KNL1: variants seen among roughly 807,000 people sequenced by gnomAD.
The protein encoded by KNL1 is kinetochore scaffold 1, also known as outer kinetochore KNL1 complex subunit KNL1.
In KNL1, 66 loss-of-function variants were observed where a neutral mutation model predicts 201.3. The observed-to-expected ratio is 0.33, with a 90% CI of 0.27 to 0.40. KNL1 has a LOEUF of 0.40. Among genes scored for constraint, KNL1 ranks in the 10% least tolerant of loss-of-function variants. The probability of loss-of-function intolerance (pLI) is 1.00; values close to 1 mark genes in which losing one functional copy is unlikely to be tolerated. For synonymous variants in KNL1, 895 were observed against 899.2 expected, an observed-to-expected ratio of 1.00 and a Z score of 0.08; for missense variants, 2,815 against 2,690.5, an observed-to-expected ratio of 1.05 and a Z score of -1.02.
rs79125272 is a variant in KNL1, at chr15:40,657,705, G to A, written c.6713+232G>A. ...TGATCTCTCCCTTCATGTTGACATG[G>A]TGTCTTTCATTGTGCATGTCTGCAT... On this transcript the variant is annotated intron_variant, in intron 24 of 25. Coordinates refer to ENST00000399668, the MANE Select transcript of KNL1 (RefSeq NM_144508.5). 0.012 allele frequency among the ~76,000 whole-genome samples: 1,828 copies of A among 152,242 alleles called. 35 individuals carry two copies. Among genetic ancestry groups the A allele is most frequent in the African/African-American group, 0.042 (1,730 of 41,536 alleles).
intron 16 of KNL1, among the ~76,000 whole-genome samples, chr15:40,646,349 G>A (rs1893382301): frequency 6.6e-6 from 1 of 151,722 alleles, no homozygotes. Context: ...TGTATTCCAT[G>A]GAACACCTAT....
At chr15:40,643,044 CTA>C (rs2141749950) in intron 14 of KNL1, 1 of 152,278 alleles carries the variant, frequency 6.6e-6, no homozygotes, top group East Asian at 1.9e-4. Flanking sequence ...AAGAGATATT[CTA>C]TCTCTGTTAG....
chr15:40,606,463 T>A lies in KNL1; in HGVS notation c.135+11T>A, dbSNP rs779132891. On this transcript the variant is annotated intron_variant, in intron 4 of 25. Transcript: ENST00000399668. ...AATGAAAGAGTTCAGGTAAGTCTTT[T>A]GTGCAAATACTTTATAGATGACTAT... 2.1e-6 allele frequency: 3 copies of A among 1,440,950 alleles called. No individual in the cohort carries two copies. Among genetic ancestry groups the A allele is most frequent in the Middle Eastern group, 1.8e-4 (1 of 5,494 alleles). 89.3% of individuals were successfully genotyped at this position (1,440,950 alleles called of 1,614,324 possible). A position where few individuals can be genotyped will look rare whatever the true frequency, so the allele number is the denominator to read the frequency against.
At chr15:40,655,017 G>C in intron 22 of KNL1, 40 bp downstream of exon 22, 1 of 1,512,346 alleles carries the variant, frequency 6.6e-7, no homozygotes, top group African/African-American at 1.4e-5. Context: ...ATTTGTTGGG[G>C]CTGGGCACTA....
chr15:40,606,540 T>C (rs967758035), intron 4 of KNL1, 88 bp downstream of exon 4: 3 of 740,230 alleles, frequency 4.1e-6, no homozygotes, highest in Admixed American at 4.0e-5. Context: ...GAAGAGGAAA[T>C]GTGTAAGCAT....
rs146291328 is a variant in KNL1 at position 40,661,434 on chromosome 15, G to A, written c.6837-640G>A. On this transcript the variant is annotated intron_variant, in intron 25 of 25. Transcript: ENST00000399668. ...TTGCACCCAGGAGAAAGAGGTTGCCGTGAGCCTAGATTGTGCCACTAACTG... is the reference window on the plus strand; with the variant it reads ...TTGCACCCAGGAGAAAGAGGTTGCCATGAGCCTAGATTGTGCCACTAACTG... 8.5e-4 allele frequency among the ~76,000 whole-genome samples: 129 copies of A among 152,210 alleles called. 1 individual carries two copies. Among genetic ancestry groups the A allele is most frequent in the African/African-American group, 2.7e-3 (114 of 41,530 alleles).
chr15:40,611,929 G>C lies in KNL1; in HGVS notation c.284+418G>C, dbSNP rs1020535402. Among the ~76,000 whole-genome samples the C allele has an allele frequency of 5.9e-5, 9 of 151,964 alleles. No homozygotes were observed. In the South Asian group the frequency reaches 1.7e-3, roughly 28 times the overall value. On this transcript the variant is annotated intron_variant, in intron 7 of 25. Transcript: ENST00000399668. Reference sequence around the variant, plus strand: ...ACGTGGTGGCTCATGCCTGTAATCCGAGCACTTTGGGAGGCCGAGGCTGGT... The same window carrying C: ...ACGTGGTGGCTCATGCCTGTAATCCCAGCACTTTGGGAGGCCGAGGCTGGT...
In KNL1 at chr15:40,663,927, C is replaced by T. The variant is rs1174692933; in HGVS notation, c.*1739C>T. The T allele has an allele frequency of 1.0e-5, 2 of 190,972 alleles. No individual in the cohort carries two copies. Among genetic ancestry groups the T allele is most frequent in the Non-Finnish European group, 2.2e-5 (2 of 91,198 alleles). The allele number at this position is 190,972 out of a possible 1,614,324, so 11.8% of individuals were successfully genotyped here. A position where few individuals can be genotyped will look rare whatever the true frequency, so the allele number is the denominator to read the frequency against. On this transcript the variant is annotated 3_prime_UTR_variant, in exon 26 of 26. Coordinates refer to ENST00000399668, the MANE Select transcript of KNL1 (RefSeq NM_144508.5). ...TACTTCTGAGCTATACGTCAAAAGA[C>T]ACATAAGCTTCAAAAGTCAAGACAA...
At chr15:40,632,219 C>CCG (rs1555421573) in intron 13 of KNL1, among the ~76,000 whole-genome samples, 2 of 143,994 alleles carry the variant, frequency 1.4e-5, no homozygotes, top group African/African-American at 2.6e-5. Flanking sequence ...GACCCCCCCC[C>CCG]ACCCACATCT....
At chr15:40,595,487 T>A (rs1199845905) in intron 1 of KNL1, among the ~76,000 whole-genome samples, 1 of 152,252 alleles carries the variant, frequency 6.6e-6, no homozygotes, top group Non-Finnish European at 1.5e-5. Context: ...CAAAGCAGTA[T>A]AATTCTTGAC....
At chr15:40,639,856 CT>C (rs935109560) in intron 13 of KNL1, among the ~76,000 whole-genome samples, 1 of 151,732 alleles carries the variant, frequency 6.6e-6, no homozygotes, top group African/African-American at 2.4e-5. Flanking sequence ...AGGAGAATCA[CT>C]TGAGGCCAGG....
chr15:40,648,483 C>G (rs180701260), intron 17 of KNL1, among the ~76,000 whole-genome samples: 1 of 152,274 alleles, frequency 6.6e-6, no homozygotes, highest in Admixed American at 6.5e-5. Flanking sequence ...AACTTGTTCT[C>G]TCTTATGATG....
chr15:40,638,847 T>C (rs1201330399), intron 13 of KNL1, among the ~76,000 whole-genome samples: 1 of 150,922 alleles, frequency 6.6e-6, no homozygotes, highest in Non-Finnish European at 1.5e-5. Context: ...GTTTCGCTCT[T>C]GTTGCACAGG....
chr15:40,650,439 TTTATATAC>T, intron 18 of KNL1, 61 bp downstream of exon 18: 1 of 1,566,782 alleles, frequency 6.4e-7, no homozygotes. Flanking sequence ...TCTGAGTTTG[TTTATATAC>T]TTTGGTGAGA....
At chr15:40,643,704 C>T (rs372273462) in intron 14 of KNL1, among the ~76,000 whole-genome samples, 1 of 152,104 alleles carries the variant, frequency 6.6e-6, no homozygotes, top group Non-Finnish European at 1.5e-5. Context: ...CATTGACAGA[C>T]CTTAGGATTC....
intron 13 of KNL1, among the ~76,000 whole-genome samples, chr15:40,637,623 T>C (rs1893096134): frequency 6.6e-6 from 1 of 152,138 alleles, no homozygotes; most frequent in Non-Finnish European, 1.5e-5. Context: ...AAATGTACTG[T>C]GAGTCAGGAA....
chr15:40,643,934 G>T (rs919653351), intron 14 of KNL1, among the ~76,000 whole-genome samples: 7 of 152,156 alleles, frequency 4.6e-5, no homozygotes, highest in Non-Finnish European at 8.8e-5. Context: ...ATTCAAGCTG[G>T]CTTCTGAACC....
At chr15:40,655,122 AC>A (rs1893686059) in intron 22 of KNL1, 145 bp downstream of exon 22, 1 of 584,838 alleles carries the variant, frequency 1.7e-6, no homozygotes, top group Non-Finnish European at 3.0e-6. Flanking sequence ...ACATGGTGAA[AC>A]CCCGTCTCTG....
chr15:40,653,865 G>A (rs1410928314), intron 21 of KNL1, among the ~76,000 whole-genome samples: 2 of 130,434 alleles, frequency 1.5e-5, no homozygotes, highest in Non-Finnish European at 3.6e-5. Context: ...TCTTATGCCC[G>A]AACGCTGTTT....
Sources: gnomAD v4.1 joint callset for allele counts (sites outside exome capture counted in the v4.1 genomes callset) on GRCh38, gnomAD v4.1.1 for gene constraint, MANE v1.5 for transcripts, NCBI Gene and HGNC (gene_info 2026-07-23, HGNC 2026-07-21) for gene names.